SLC24A2: variants seen among roughly 807,000 people sequenced by gnomAD.
SLC24A2 encodes the protein solute carrier family 24 member 2.
SLC24A2 carries 36 observed loss-of-function variants against 62.0 expected under a neutral mutation model. The observed-to-expected ratio is 0.58, with a 90% CI of 0.44 to 0.77. The LOEUF (loss-of-function observed/expected upper bound fraction) is 0.77. Ranked by LOEUF, SLC24A2 falls within the 30% of genes least tolerant of loss-of-function variation. The pLI is 0.00. For missense variants in SLC24A2, 846 were observed against 817.9 expected (o/e 1.03, Z -0.42); for synonymous variants, 358 against 294.0 (o/e 1.22, Z -2.23).
chr9:19,998,802 T>A, the SLC24A2 span, among the ~76,000 whole-genome samples: 1 of 152,260 alleles, frequency 6.6e-6, no homozygotes, highest in African/African-American at 2.4e-5. Context: ...TTTTGTGTGC[T>A]TGATCTTTGT....
chr9:19,909,200 G>GA, the SLC24A2 span, among the ~76,000 whole-genome samples: 1 of 152,118 alleles, frequency 6.6e-6, no homozygotes, highest in African/African-American at 2.4e-5. Flanking sequence ...GATGAAGCTG[G>GA]AAACCGTCAT....
intron 3 of SLC24A2, 89 bp from the exon 4 acceptor site, chr9:19,619,781 T>C (rs1817865634): frequency 1.0e-6 from 1 of 963,116 alleles, no homozygotes; most frequent in Non-Finnish European, 1.7e-6. Context: ...TGGTGGCCAC[T>C]CATTTCTGTC....
intron 2 of SLC24A2, among the ~76,000 whole-genome samples, chr9:19,643,103 C>T (rs934117356): frequency 2.7e-5 from 4 of 148,874 alleles, no homozygotes; most frequent in Non-Finnish European, 5.9e-5. Context: ...TTAGTAACTA[C>T]TGATTTTGCA....
At chr9:19,589,970 C>G (rs1391298037) in intron 5 of SLC24A2, among the ~76,000 whole-genome samples, 3 of 152,148 alleles carry the variant, frequency 2.0e-5, no homozygotes, top group Non-Finnish European at 2.9e-5. Flanking sequence ...GCCATTCCAT[C>G]TTTGGATATG....
chr9:20,199,134 CATTTT>C, the SLC24A2 span, among the ~76,000 whole-genome samples: 14 of 152,154 alleles, frequency 9.2e-5, no homozygotes, highest in African/African-American at 2.9e-4. Flanking sequence ...TTTCAGGTGT[CATTTT>C]ATTTTATTTT....
chr9:20,136,440 C>T, the SLC24A2 span, among the ~76,000 whole-genome samples: 1 of 151,856 alleles, frequency 6.6e-6, no homozygotes, highest in Non-Finnish European at 1.5e-5. Flanking sequence ...CAAGGGCAAC[C>T]CAAAAAAATC....
the SLC24A2 span, among the ~76,000 whole-genome samples, chr9:19,997,864 C>T: frequency 3.3e-5 from 5 of 152,030 alleles, no homozygotes; most frequent in African/African-American, 1.2e-4. Flanking sequence ...CTCTTATTTC[C>T]TTCTCAGTTT....
chr9:20,061,596 ATT>A, the SLC24A2 span, among the ~76,000 whole-genome samples: 1 of 152,182 alleles, frequency 6.6e-6, no homozygotes, highest in Non-Finnish European at 1.5e-5. Flanking sequence ...CAGTCAATTG[ATT>A]TTTAACAAAA....
chr9:19,820,044 TATATATATATACAC>T, the SLC24A2 span, among the ~76,000 whole-genome samples: 10,985 of 38,144 alleles, frequency 0.29, 814 homozygotes, highest in Non-Finnish European at 0.43. Flanking sequence ...TATATATACA[TATATATATATACAC>T]ATATATATAT....
At chr9:19,934,093 TACACTTTAA>T in the SLC24A2 span, among the ~76,000 whole-genome samples, 1 of 152,202 alleles carries the variant, frequency 6.6e-6, no homozygotes, top group African/African-American at 2.4e-5. This position sits in a 1 kb window ranked among gnomAD's most constrained non-coding sequence, Gnocchi z 4.1. Flanking sequence ...CACTGAATAG[TACACTTTAA>T]AAGGGCGAAT....
At chr9:19,869,846 TTTTCA>T in the SLC24A2 span, among the ~76,000 whole-genome samples, 1 of 152,218 alleles carries the variant, frequency 6.6e-6, no homozygotes, top group East Asian at 1.9e-4. Context: ...TATTTAGTGC[TTTTCA>T]TTTGTTTGTG....
chr9:19,521,352 G>C (rs1833189970), intron 9 of SLC24A2, among the ~76,000 whole-genome samples: 1 of 152,196 alleles, frequency 6.6e-6, no homozygotes, highest in Non-Finnish European at 1.5e-5. Context: ...GATTGAGTCA[G>C]GGAAGCTGCA....
chr9:19,815,742 G>A, the SLC24A2 span, among the ~76,000 whole-genome samples: 1 of 151,968 alleles, frequency 6.6e-6, no homozygotes, highest in Non-Finnish European at 1.5e-5. Flanking sequence ...TGAACACTTT[G>A]TTAACAGTTA....
At chr9:20,120,753 T>A in the SLC24A2 span, among the ~76,000 whole-genome samples, 2 of 152,140 alleles carry the variant, frequency 1.3e-5, no homozygotes, top group African/African-American at 2.4e-5. Flanking sequence ...TAATCCAAGG[T>A]TGCATAGCTT....
chr9:20,229,542 C>T, the SLC24A2 span, among the ~76,000 whole-genome samples: 16,603 of 152,036 alleles, frequency 0.11, 1,058 homozygotes, highest in Middle Eastern at 0.16. Flanking sequence ...ATGTGCCAGA[C>T]ACTAAGCAAG....
the SLC24A2 span, among the ~76,000 whole-genome samples, chr9:19,825,325 C>G: frequency 5.3e-5 from 8 of 152,116 alleles, no homozygotes; most frequent in South Asian, 2.1e-4. Flanking sequence ...TGGAGTAATT[C>G]TATAAATAAT....
At chr9:20,095,797 G>A in the SLC24A2 span, among the ~76,000 whole-genome samples, 2 of 152,050 alleles carry the variant, frequency 1.3e-5, no homozygotes, top group Non-Finnish European at 2.9e-5. Context: ...ACATTTCCAT[G>A]TGGCTGGGGA....
intron 2 of SLC24A2, among the ~76,000 whole-genome samples, chr9:19,699,167 G>C (rs1343840708): frequency 1.3e-5 from 2 of 152,120 alleles, no homozygotes; most frequent in African/African-American, 4.8e-5. Flanking sequence ...GGTACCTACT[G>C]CTGGGTCTCT....
the SLC24A2 span, among the ~76,000 whole-genome samples, chr9:20,022,303 TTATCA>T: frequency 6.6e-6 from 1 of 152,244 alleles, no homozygotes; most frequent in Non-Finnish European, 1.5e-5. Flanking sequence ...TATTCAATCC[TTATCA>T]TATAATAGGT....
Sources: allele counts gnomAD v4.1 joint callset (sites outside exome capture counted in the v4.1 genomes callset), GRCh38; gene constraint gnomAD v4.1.1; non-coding constraint Gnocchi (gnomAD v3.1); transcripts MANE v1.5; gene names NCBI Gene and HGNC (gene_info 2026-07-23, HGNC 2026-07-21).